LY75: variants seen among roughly 807,000 people sequenced by gnomAD.
LY75 encodes C-type lectin domain family 13 member B.
A neutral mutation model predicts 231.7 loss-of-function variants in LY75; 185 were observed. The ratio of observed to expected loss-of-function variants is 0.80; its 90% CI spans 0.71 to 0.90. LY75 has a LOEUF of 0.90. Ranked by LOEUF, LY75 falls within the 40% of genes least tolerant of loss-of-function variation. The pLI is 0.00. For synonymous variants in LY75, 668 were observed against 689.0 expected, an observed-to-expected ratio of 0.97 and a Z score of 0.48; for missense variants, 1,947 against 2,050.2, an observed-to-expected ratio of 0.95 and a Z score of 0.97.
chr2:159,885,026 T>C (rs1685542138), intron 6 of LY75, 127 bp downstream of exon 6: 1 of 1,297,590 alleles, frequency 7.7e-7, no homozygotes, highest in Admixed American at 2.8e-5. Flanking sequence ...AATCAAGTAC[T>C]TTTCTGTACT....
At chr2:159,881,298 C>A in intron 7 of LY75, 58 bp from the exon 8 acceptor site, 1 of 1,502,726 alleles carries the variant, frequency 6.7e-7, no homozygotes, top group South Asian at 1.4e-5. Flanking sequence ...GTAATATGTA[C>A]ATTGTTATAC....
chr2:159,825,096 A>G (rs745956955), intron 28 of LY75, among the ~76,000 whole-genome samples: 6 of 152,230 alleles, frequency 3.9e-5, no homozygotes, highest in Admixed American at 1.3e-4. Context: ...AAGACAAGAA[A>G]TAACTAACGT....
chr2:159,822,751 G>A (rs1199347719), intron 28 of LY75, among the ~76,000 whole-genome samples: 1 of 152,152 alleles, frequency 6.6e-6, no homozygotes, highest in Non-Finnish European at 1.5e-5. Flanking sequence ...TGCCCCTCTG[G>A]GAAGAAGCTT....
chr2:159,900,014 C>T (rs1686026703), intron 1 of LY75, among the ~76,000 whole-genome samples: 1 of 152,084 alleles, frequency 6.6e-6, no homozygotes, highest in African/African-American at 2.4e-5. Context: ...AGGCTGAACC[C>T]CAAACTCCAG....
At chr2:159,858,777 C>A (rs777732280) in intron 15 of LY75, among the ~76,000 whole-genome samples, 1 of 152,202 alleles carries the variant, frequency 6.6e-6, no homozygotes, top group Non-Finnish European at 1.5e-5. Context: ...AAGCACCAAG[C>A]TGTGATCAAA....
At chr2:159,824,140 A>AAC in intron 28 of LY75, among the ~76,000 whole-genome samples, 1 of 152,218 alleles carries the variant, frequency 6.6e-6, no homozygotes, top group Non-Finnish European at 1.5e-5. Context: ...CCCCAATTAA[A>AAC]ACACACGACT....
chr2:159,847,868 G>A (rs1489882461), intron 23 of LY75, among the ~76,000 whole-genome samples: 1 of 151,840 alleles, frequency 6.6e-6, no homozygotes, highest in East Asian at 1.9e-4. Flanking sequence ...TGAAATATAG[G>A]CTAAGATTAT....
chr2:159,898,807 T>C lies in LY75; in HGVS notation c.347A>G (p.Tyr116Cys), dbSNP rs142498828. The change falls in exon 2 of 35, where the codon TAC becomes TGC. Residue 116 changes from tyrosine to cysteine, a missense_variant. Coordinates refer to ENST00000263636, the MANE Select transcript of LY75 (RefSeq NM_002349.4). ...AGCCAGCCGGTACCGGGCAGCTCCG[T>C]ACAGAGAGTGGTGCTCACATTTCCA... The part of the protein sequence containing the change: ...LWWKCEHHSL[Y>C]GAARYRLALK... 84 of 1,614,090 alleles carry C rather than the reference T, an allele frequency of 5.2e-5. No homozygotes were observed. The highest frequency in any genetic ancestry group is 3.2e-5 in the Non-Finnish European group (38 of 1,180,026).
chr2:159,845,147 A>G (rs1282062518), intron 23 of LY75, among the ~76,000 whole-genome samples: 1 of 152,178 alleles, frequency 6.6e-6, no homozygotes, highest in Non-Finnish European at 1.5e-5. Flanking sequence ...GATCTAAAGG[A>G]AGAGTTGAAT....
chr2:159,853,783 C>T, intron 18 of LY75, 86 bp from the exon 19 acceptor site: 1 of 1,553,376 alleles, frequency 6.4e-7, no homozygotes, highest in Non-Finnish European at 8.8e-7. Context: ...ACTATAATCA[C>T]TAACCACTAA....
Position 159,872,236 on chromosome 2 carries a change from G to T in LY75, c.2117+215C>A, listed in dbSNP as rs761661411. The T allele has an allele frequency of 2.6e-5, 13 of 494,306 alleles. No individual in the cohort carries two copies. The East Asian group carries it at 4.0e-4, about 15-fold the overall frequency. 30.6% of individuals were successfully genotyped at this position (494,306 alleles called of 1,614,324 possible). On this transcript the variant is annotated intron_variant, in intron 13 of 34. Coordinates refer to ENST00000263636, the MANE Select transcript of LY75 (RefSeq NM_002349.4). ...TGCTGTTGGACTTTATTAAACAAAG[G>T]GTAGGGAATACATCTCATTCATTTT...
At chr2:159,856,287 C>A (rs1306458545) in intron 16 of LY75, among the ~76,000 whole-genome samples, 1 of 152,054 alleles carries the variant, frequency 6.6e-6, no homozygotes, top group East Asian at 1.9e-4. Context: ...ACAGTTTTCT[C>A]AAAAAATAAT....
chr2:159,835,716 G>T, intron 25 of LY75, 71 bp from the exon 26 acceptor site: 2 of 1,549,210 alleles, frequency 1.3e-6, no homozygotes, highest in Non-Finnish European at 8.7e-7. Flanking sequence ...TGACTCCCAT[G>T]GTCAATCTAA....
At chr2:159,877,489 A>C (rs1356080673) in intron 11 of LY75, among the ~76,000 whole-genome samples, 1 of 152,204 alleles carries the variant, frequency 6.6e-6, no homozygotes, top group Non-Finnish European at 1.5e-5. Flanking sequence ...AGTATTTCTG[A>C]GGTCCTTTCC....
At chr2:159,864,807 A>G (rs537353329) in intron 14 of LY75, 32 bp downstream of exon 14, 3 of 1,515,300 alleles carry the variant, frequency 2.0e-6, no homozygotes, top group Non-Finnish European at 1.8e-6. Context: ...CAGTGTTTCC[A>G]TACTACCTAA....
intron 7 of LY75, among the ~76,000 whole-genome samples, 170 bp downstream of exon 7, chr2:159,881,954 C>T (rs1685449288): frequency 1.3e-5 from 2 of 152,130 alleles, no homozygotes; most frequent in Non-Finnish European, 1.5e-5. Context: ...TTGCTAGTGA[C>T]CACCATACTA....
At chr2:159,863,080 C>A (rs1439834493) in intron 14 of LY75, among the ~76,000 whole-genome samples, 1 of 150,130 alleles carries the variant, frequency 6.7e-6, no homozygotes, top group Non-Finnish European at 1.5e-5. Flanking sequence ...CTGTGCCTGG[C>A]TTCTTTCATT....
At position 159,860,817 on chromosome 2, in the gene LY75, T is replaced by C. The variant is rs543051156; in HGVS notation, c.2268+4A>G. The C allele has an allele frequency of 6.2e-7, 1 of 1,613,920 alleles. No individual in the cohort carries two copies. The highest frequency in any genetic ancestry group is 1.7e-5 in the Admixed American group (1 of 60,018). On this transcript the variant is annotated splice_donor_region_variant and intron_variant, in intron 15 of 34. Transcript: ENST00000263636. ...ATATGCAGATTTTCCAGCATTGTACTGACCTTGACAGCAGCACAGTCTCTG... is the reference window on the plus strand; with the variant it reads ...ATATGCAGATTTTCCAGCATTGTACCGACCTTGACAGCAGCACAGTCTCTG...
At chr2:159,879,607 A>G (rs968529774) in intron 8 of LY75, among the ~76,000 whole-genome samples, 13 of 152,212 alleles carry the variant, frequency 8.5e-5, no homozygotes, top group Non-Finnish European at 7.3e-5. Context: ...ATTTTCTTAT[A>G]AGAGTAGCAA....
Sources: allele counts gnomAD v4.1 joint callset (sites outside exome capture counted in the v4.1 genomes callset), GRCh38; gene constraint gnomAD v4.1.1; transcripts MANE v1.5; gene names NCBI Gene and HGNC (gene_info 2026-07-23, HGNC 2026-07-21).